The following WIF1 variants were observed in gnomAD, a reference collection of about 807,000 sequenced individuals.
The protein encoded by WIF1 is Wnt inhibitory factor 1.
Under a neutral mutation model 53.5 loss-of-function variants are expected in WIF1, and 35 were observed. That is an observed-to-expected ratio of 0.65 (90% CI 0.50 to 0.87). WIF1 has a LOEUF of 0.87. Ranked by LOEUF, WIF1 falls within the 40% of genes least tolerant of loss-of-function variation. The pLI is 0.00. For missense variants in WIF1, 467 were observed against 476.8 expected, an observed-to-expected ratio of 0.98 and a Z score of 0.19; for synonymous variants, 171 against 170.4, an observed-to-expected ratio of 1.00 and a Z score of -0.03.
At chr12:65,098,983 C>A (rs1883243112) in intron 2 of WIF1, among the ~76,000 whole-genome samples, 1 of 152,014 alleles carries the variant, frequency 6.6e-6, no homozygotes, top group South Asian at 2.1e-4. Flanking sequence ...CTAAGCAAGC[C>A]CTTAGCAATT....
intron 3 of WIF1, among the ~76,000 whole-genome samples, chr12:65,073,737 C>T (rs1168528517): frequency 1.3e-5 from 2 of 152,162 alleles, no homozygotes; most frequent in African/African-American, 4.8e-5. Context: ...ATGCAAGGTA[C>T]CTTCACTTCT....
At chr12:65,069,642 C>G (rs372506271) in intron 3 of WIF1, among the ~76,000 whole-genome samples, 1 of 152,228 alleles carries the variant, frequency 6.6e-6, no homozygotes, top group East Asian at 1.9e-4. Context: ...TAAAGAGAAG[C>G]TTCTCTTTCT....
In WIF1 at chr12:65,067,743, G is replaced by A. The variant is rs1592390045; in HGVS notation, c.586C>T (p.Arg196Cys). The change falls in exon 5 of 10, where the codon CGC (arginine) becomes TGC (cysteine). Residue 196 changes from arginine to cysteine, a missense_variant. By Grantham distance (180) the Arg-to-Cys change is radical (BLOSUM62 -3). Coordinates refer to ENST00000286574, the MANE Select transcript of WIF1 (RefSeq NM_007191.5). ...CRNGGFCNER[R>C]ICECPDGFHG... ...AACCCATCAGGACACTCGCAGATGC[G>A]TCTTTCATTACAAAAGCCTCCATTT... The A allele has an allele frequency of 1.2e-6, 2 of 1,613,326 alleles. No homozygotes were observed. The highest frequency in any genetic ancestry group is 2.2e-5 in the East Asian group (1 of 44,864).
intron 9 of WIF1, among the ~76,000 whole-genome samples, chr12:65,053,888 T>G (rs1229676477): frequency 2.0e-5 from 3 of 151,292 alleles, no homozygotes; most frequent in African/African-American, 7.3e-5. Flanking sequence ...ATAAAAAATA[T>G]TTAAAAACTA....
At chr12:65,106,188 A>ATT (rs1883348823) in intron 2 of WIF1, among the ~76,000 whole-genome samples, 1 of 152,094 alleles carries the variant, frequency 6.6e-6, no homozygotes, top group Non-Finnish European at 1.5e-5. Context: ...CTGCATGAGC[A>ATT]GTAGAGGGGA....
At chr12:65,087,810 T>C (rs1375166674) in intron 2 of WIF1, among the ~76,000 whole-genome samples, 1 of 152,078 alleles carries the variant, frequency 6.6e-6, no homozygotes, top group African/African-American at 2.4e-5. Flanking sequence ...GTTCTATTCC[T>C]ACCTAAGAGT....
intron 2 of WIF1, among the ~76,000 whole-genome samples, chr12:65,097,700 C>T (rs763493077): frequency 9.2e-5 from 14 of 152,092 alleles, no homozygotes; most frequent in Admixed American, 2.0e-4. Flanking sequence ...AAATCAAGTC[C>T]TTCCTCAACA....
chr12:65,095,678 GA>G (rs1236733175), intron 2 of WIF1: 1 of 152,032 alleles, frequency 6.6e-6, no homozygotes, highest in Non-Finnish European at 1.5e-5. Context: ...AAATATCAGT[GA>G]GCTTGTTAGG....
At chr12:65,060,813 G>A (rs537192363) in intron 7 of WIF1, among the ~76,000 whole-genome samples, 18 of 152,226 alleles carry the variant, frequency 1.2e-4, no homozygotes, top group South Asian at 4.2e-4. Context: ...TGTAGTTCCC[G>A]TGATAGAAAC....
intron 2 of WIF1, among the ~76,000 whole-genome samples, chr12:65,091,218 A>C (rs905527349): frequency 6.6e-6 from 1 of 151,638 alleles, no homozygotes; most frequent in Non-Finnish European, 1.5e-5. Flanking sequence ...ACAGGGCAAA[A>C]ACCTAGTTTC....
intron 2 of WIF1, among the ~76,000 whole-genome samples, chr12:65,115,854 G>T (rs77103634): frequency 0.042 from 6,317 of 152,198 alleles, 180 homozygotes; most frequent in Middle Eastern, 0.068. Context: ...AAATTGATGA[G>T]AATCTGATGA....
At chr12:65,053,639 T>G (rs1385599840) in intron 9 of WIF1, among the ~76,000 whole-genome samples, 2 of 152,136 alleles carry the variant, frequency 1.3e-5, no homozygotes, top group Non-Finnish European at 2.9e-5. Context: ...CTTTATACAT[T>G]ACTCAGTCTC....
intron 3 of WIF1, among the ~76,000 whole-genome samples, chr12:65,074,171 ATTTTTTAT>A (rs959082848): frequency 3.3e-5 from 5 of 150,120 alleles, no homozygotes; most frequent in Non-Finnish European, 5.9e-5. Context: ...TAAGATTTTT[ATTTTTTAT>A]TTTTTTATTT....
Position 65,074,471 on chromosome 12 carries a change from CCAAAACAAAA to C in WIF1, c.397+3265_397+3274del, listed in dbSNP as rs547658659. Reference sequence around the variant, plus strand: ...TGTACTTATTTTATTCTGACTGCTTCCAAAACAAAACAAAACAAAAAGAGCAAAAAATATG... The same window carrying C: ...TGTACTTATTTTATTCTGACTGCTTCCAAAACAAAAAGAGCAAAAAATATG... On this transcript the variant is annotated intron_variant, in intron 3 of 9. Coordinates refer to ENST00000286574, the MANE Select transcript of WIF1 (RefSeq NM_007191.5). 4.7e-3 allele frequency among the ~76,000 whole-genome samples: 706 copies of C among 151,734 alleles called. 5 individuals carry two copies. The highest frequency in any genetic ancestry group is 0.016 in the African/African-American group (681 of 41,384).
rs567628884 is a variant in WIF1, at chr12:65,072,898, G to A, written c.398-3994C>T. On this transcript the variant is annotated intron_variant, in intron 3 of 9. Transcript: ENST00000286574. ...GCAGAATAGGATGTATAATCTAAAC[G>A]AGGTGAATTAAAACAACTCAGAAAA... 3.8e-3 allele frequency among the ~76,000 whole-genome samples: 575 copies of A among 152,260 alleles called. 6 individuals are homozygous for A. The highest frequency in any genetic ancestry group is 0.013 in the African/African-American group (552 of 41,554).
chr12:65,093,382 T>C (rs73312842), intron 2 of WIF1, among the ~76,000 whole-genome samples: 265 of 152,306 alleles, frequency 1.7e-3, no homozygotes, highest in African/African-American at 6.1e-3. Flanking sequence ...TTTTTTTTGT[T>C]TGTTTTTTGC....
At chr12:65,062,849 C>G (rs1330710788) in intron 6 of WIF1, among the ~76,000 whole-genome samples, 1 of 151,980 alleles carries the variant, frequency 6.6e-6, no homozygotes, top group East Asian at 1.9e-4. Context: ...AAAAAATTAG[C>G]TTTTTAATTT....
At chr12:65,096,062 A>G (rs1349176144) in intron 2 of WIF1, among the ~76,000 whole-genome samples, 1 of 152,236 alleles carries the variant, frequency 6.6e-6, no homozygotes, top group African/African-American at 2.4e-5. Flanking sequence ...AAAAGAATCT[A>G]TCATCAGAAT....
intron 6 of WIF1, among the ~76,000 whole-genome samples, chr12:65,064,082 C>T (rs1025618599): frequency 2.0e-5 from 3 of 152,164 alleles, no homozygotes; most frequent in Admixed American, 2.0e-4. Context: ...GTCCTGTCTC[C>T]TCACTTCTGT....
Sources: allele counts gnomAD v4.1 joint callset (sites outside exome capture counted in the v4.1 genomes callset), GRCh38; gene constraint gnomAD v4.1.1; transcripts MANE v1.5; gene names NCBI Gene and HGNC (gene_info 2026-07-23, HGNC 2026-07-21).